TSGA10IP: variants seen among roughly 807,000 people sequenced by gnomAD.
TSGA10IP encodes the protein testis-specific protein 10-interacting protein.
TSGA10IP carries 64 observed loss-of-function variants against 63.2 expected under a neutral mutation model. That is an observed-to-expected ratio of 1.01 (90% confidence interval 0.83 to 1.25). The LOEUF (loss-of-function observed/expected upper bound fraction) is 1.25, where lower values mean the gene tolerates loss of function less well. TSGA10IP is among the 50% of genes most tolerant of loss of function. The probability of loss-of-function intolerance (pLI) is 0.00; values close to 1 mark genes in which losing one functional copy is unlikely to be tolerated. For synonymous variants in TSGA10IP, 316 were observed against 298.3 expected (o/e 1.06, Z -0.61); for missense variants, 681 against 710.1 (o/e 0.96, Z 0.47).
At chr11:65,954,809 A>T (rs1168165294) in intron 5 of TSGA10IP, among the ~76,000 whole-genome samples, 10 of 138,970 alleles carry the variant, frequency 7.2e-5, no homozygotes, top group African/African-American at 1.1e-4. Flanking sequence ...CAGAGCAAAA[A>T]CTCCATCTCA....
At chr11:65,950,533 G>A (rs567698257) in intron 4 of TSGA10IP, among the ~76,000 whole-genome samples, 3 of 151,224 alleles carry the variant, frequency 2.0e-5, no homozygotes, top group African/African-American at 4.9e-5. Flanking sequence ...CTCTAGGACT[G>A]CAGTCATGAG....
chr11:65,948,235 C>G (rs997987466), intron 4 of TSGA10IP, 87 bp downstream of exon 4: 28 of 1,436,882 alleles, frequency 1.9e-5, no homozygotes, highest in Middle Eastern at 1.8e-4. Context: ...CATTTGAACT[C>G]TCATTCATTT....
At chr11:65,956,267 A>C (rs1396950886) in intron 5 of TSGA10IP, among the ~76,000 whole-genome samples, 1 of 151,330 alleles carries the variant, frequency 6.6e-6, no homozygotes, top group Non-Finnish European at 1.5e-5. Context: ...CCTTCCGAGT[A>C]GCTGGGATTA....
At chr11:65,947,375 C>A (rs754615305) in exon 3 of TSGA10IP, 1 of 1,612,444 alleles carries the variant, frequency 6.2e-7, no homozygotes, top group South Asian at 1.1e-5. Context: ...TGTCTCCATC[C>A]CTACTGGCAA....
chr11:65,948,116 T>C, exon 4 of TSGA10IP: 4 of 1,601,666 alleles, frequency 2.5e-6, no homozygotes, highest in Non-Finnish European at 3.4e-6. Flanking sequence ...ACCTCCCTAA[T>C]CGCACCTTCC....
At chr11:65,952,915 A>C (rs1854964514) in intron 4 of TSGA10IP, among the ~76,000 whole-genome samples, 1 of 151,986 alleles carries the variant, frequency 6.6e-6, no homozygotes, top group Admixed American at 6.6e-5. Context: ...TCTGTGAAAA[A>C]TGTCATTGGA....
intron 5 of TSGA10IP, among the ~76,000 whole-genome samples, chr11:65,955,772 T>C (rs909179309): frequency 3.3e-5 from 5 of 152,116 alleles, no homozygotes; most frequent in African/African-American, 1.2e-4. Flanking sequence ...ACCCCACCGG[T>C]GAGGAACCTG....
chr11:65,947,749 G>A, exon 3 of TSGA10IP: 1 of 1,589,602 alleles, frequency 6.3e-7, no homozygotes, highest in Non-Finnish European at 8.6e-7. Flanking sequence ...GACAATGGAG[G>A]AAGACAAGGG....
rs1173659233 is a variant in TSGA10IP, at chr11:65,947,237, C to A, written c.412C>A (p.Pro138Thr). 1.9e-6 allele frequency: 3 copies of A among 1,609,732 alleles called. No homozygotes were observed. The African/African-American group carries it at 4.0e-5, about 22-fold the overall frequency. The change falls in exon 3 of 8, where the codon CCC becomes ACC. Residue 138 changes from proline to threonine, a missense_variant. Transcript: ENST00000532620. ...CCCTGGCCACCAAGCCCTGCCCATG[C>A]CCTCCTCGTTCTCCCAGCGTCAGTC... is the stretch of plus-strand genomic sequence containing the variant.
intron 4 of TSGA10IP, among the ~76,000 whole-genome samples, chr11:65,952,069 G>C (rs754249984): frequency 6.6e-6 from 1 of 152,112 alleles, no homozygotes; most frequent in African/African-American, 2.4e-5. Context: ...GGCCAGACTA[G>C]TCTCGAACTC....
intron 4 of TSGA10IP, among the ~76,000 whole-genome samples, chr11:65,948,474 C>T (rs756430760): frequency 1.3e-5 from 2 of 152,154 alleles, no homozygotes; most frequent in African/African-American, 4.8e-5. Flanking sequence ...ATTAATGCAA[C>T]GTTTATTATC....
At chr11:65,947,536 C>A in exon 3 of TSGA10IP, 1 of 1,613,694 alleles carries the variant, frequency 6.2e-7, no homozygotes. Flanking sequence ...TGCCCCAGCG[C>A]CCCAGGAGGG....
chr11:65,959,734 G>A (rs1173726318), intron 7 of TSGA10IP, 83 bp from the exon 8 acceptor site: 19 of 1,477,316 alleles, frequency 1.3e-5, no homozygotes, highest in East Asian at 5.0e-5. Context: ...ACTGAAGCAG[G>A]GTTTGAAGCC....
At chr11:65,945,926 G>A (rs1854823536) in intron 1 of TSGA10IP, 104 bp downstream of exon 1, 10 of 1,392,484 alleles carry the variant, frequency 7.2e-6, no homozygotes, top group Non-Finnish European at 9.8e-6. Flanking sequence ...CTGAGCTGAG[G>A]TCCAGATGAA....
At chr11:65,959,658 A>G (rs1489538131) in intron 7 of TSGA10IP, among the ~76,000 whole-genome samples, 159 bp from the exon 8 acceptor site, 1 of 152,228 alleles carries the variant, frequency 6.6e-6, no homozygotes, top group Admixed American at 6.5e-5. Context: ...TATGAAGCCC[A>G]CTTGACAATA....
chr11:65,959,754 G>A (rs1377408117), intron 7 of TSGA10IP, 63 bp from the exon 8 acceptor site: 1 of 1,505,366 alleles, frequency 6.6e-7, no homozygotes, highest in African/African-American at 1.4e-5. Context: ...CACATTGTCA[G>A]TGGTTTCCTT....
At chr11:65,956,608 ACCT>A (rs1044186277) in intron 5 of TSGA10IP, among the ~76,000 whole-genome samples, 1 of 151,148 alleles carries the variant, frequency 6.6e-6, no homozygotes, top group African/African-American at 2.4e-5. Flanking sequence ...GTTCACTGAA[ACCT>A]CCATCTCCCG....
At chr11:65,954,193 T>C (rs1010930080) in intron 5 of TSGA10IP, among the ~76,000 whole-genome samples, 1 of 147,998 alleles carries the variant, frequency 6.8e-6, no homozygotes, top group East Asian at 2.0e-4. Context: ...TGAGACGGAG[T>C]CTCGCTCTGT....
rs1854854329 is a variant in TSGA10IP at position 65,947,298 on chromosome 11, A to G, written c.473A>G (p.His158Arg). The G allele has an allele frequency of 1.9e-6, 3 of 1,612,486 alleles. No individual in the cohort carries two copies. The South Asian group carries it at 3.3e-5, about 18-fold the overall frequency. Residue 158 changes from histidine (H) to arginine (R), a missense_variant, in exon 3 of 8, where the codon CAT becomes CGT. By Grantham distance (29) the His-to-Arg change is conservative (BLOSUM62 0). Coordinates refer to ENST00000532620, the Ensembl canonical transcript of TSGA10IP. ...TCCACGGCCAACCTCCCAGAGGCCC[A>G]TGGCTGCTGCTGGAAGACAGAGGCG...
Sources: gnomAD v4.1 joint callset for allele counts (sites outside exome capture counted in the v4.1 genomes callset) on GRCh38, gnomAD v4.1.1 for gene constraint, MANE v1.5 for transcripts, NCBI Gene and HGNC (gene_info 2026-07-23, HGNC 2026-07-21) for gene names.